Variants in EML6 observed in about 807,000 individuals in gnomAD.
The protein encoded by EML6 is EMAP like 6, also known as echinoderm microtubule-associated protein-like 6.
EML6 carries 154 observed loss-of-function variants against 240.1 expected under a neutral mutation model. The ratio of observed to expected loss-of-function variants is 0.64; its 90% CI spans 0.56 to 0.73. The LOEUF (loss-of-function observed/expected upper bound fraction) is 0.73, where lower values mean the gene tolerates loss of function less well. EML6 is among the 30% of genes least tolerant of loss of function. EML6 has a pLI of 0.00. For synonymous variants in EML6, 1,148 were observed against 899.0 expected, an observed-to-expected ratio of 1.28 and a Z score of -4.95; for missense variants, 2,964 against 2,474.6, an observed-to-expected ratio of 1.20 and a Z score of -4.20.
At chr2:54,800,717 A>G (rs564439854) in intron 2 of EML6, among the ~76,000 whole-genome samples, 29 of 152,202 alleles carry the variant, frequency 1.9e-4, no homozygotes, top group African/African-American at 6.7e-4. Flanking sequence ...ACCATTCTGG[A>G]TAGTAATTTT....
chr2:54,818,839 A>C (rs1360362793), intron 4 of EML6, among the ~76,000 whole-genome samples: 2 of 152,094 alleles, frequency 1.3e-5, no homozygotes, highest in African/African-American at 2.4e-5. Context: ...GTCACACATA[A>C]TTTTGCTCTT....
chr2:54,953,885 TAAAAAA>T, intron 31 of EML6, 92 bp from the exon 32 acceptor site: 2 of 799,346 alleles, frequency 2.5e-6, no homozygotes, highest in Non-Finnish European at 3.6e-6. Flanking sequence ...AGACTCTGTC[TAAAAAA>T]AAAAAAAAAA....
chr2:54,757,322 C>CATAT (rs1558528555), intron 2 of EML6, among the ~76,000 whole-genome samples: 1 of 152,078 alleles, frequency 6.6e-6, no homozygotes, highest in African/African-American at 2.4e-5. Flanking sequence ...ATATGAGGGG[C>CATAT]AGTGTTGATG....
chr2:54,802,081 C>T (rs187345504), intron 2 of EML6, among the ~76,000 whole-genome samples: 4 of 152,152 alleles, frequency 2.6e-5, no homozygotes, highest in Admixed American at 2.6e-4. Context: ...TAAAAGTGTC[C>T]ATTATAGGCT....
rs1432191692 is a variant in EML6 at position 54,968,777 on chromosome 2, G to A, written c.5852+9G>A. On this transcript the variant is annotated intron_variant, in intron 41 of 41. Transcript: ENST00000356458. ...GGAGGAGACGACTGCAGGTACTAAC[G>A]TAGCTGACCCAGTTCTTACTCCACA... The A allele has an allele frequency of 1.2e-5, 17 of 1,458,802 alleles. No homozygotes were observed. The East Asian group carries it at 1.5e-4, about 13-fold the overall frequency. 90.4% of individuals were successfully genotyped at this position (1,458,802 alleles called of 1,614,324 possible).
At chr2:54,900,075 A>C (rs1232123465) in intron 22 of EML6, among the ~76,000 whole-genome samples, 1 of 152,252 alleles carries the variant, frequency 6.6e-6, no homozygotes, top group Non-Finnish European at 1.5e-5. Context: ...GTGGGAGTCA[A>C]TTGAAATTCA....
At chr2:54,753,578 G>T (rs1684267096) in intron 2 of EML6, among the ~76,000 whole-genome samples, 2 of 151,990 alleles carry the variant, frequency 1.3e-5, no homozygotes, top group African/African-American at 4.8e-5. Flanking sequence ...GCCAAGAAAT[G>T]TGGGCAGCCT....
chr2:54,772,523 C>A (rs1668442197), intron 2 of EML6, among the ~76,000 whole-genome samples: 1 of 152,204 alleles, frequency 6.6e-6, no homozygotes, highest in East Asian at 1.9e-4. Flanking sequence ...TTGATAATTT[C>A]ATTCCAAGAT....
chr2:54,844,755 C>T lies in EML6; in HGVS notation c.1049+507C>T, dbSNP rs1479446734. On this transcript the variant is annotated intron_variant, in intron 8 of 41. Transcript: ENST00000356458. ...TCATCAGATGAAAGAATCATGGGGCCTGAGAAAGTAGTTTACTCGGAGCCT... is the reference window on the plus strand; with the variant it reads ...TCATCAGATGAAAGAATCATGGGGCTTGAGAAAGTAGTTTACTCGGAGCCT... Among the ~76,000 whole-genome samples the T allele has an allele frequency of 2.6e-5, 4 of 152,152 alleles. No individual in the cohort carries two copies. The East Asian group carries it at 5.8e-4, about 22-fold the overall frequency.
chr2:54,903,451 A>G lies in EML6; in HGVS notation c.3358A>G (p.Ile1120Val), dbSNP rs1673164955. 1 of 1,552,034 alleles carries G rather than the reference A, an allele frequency of 6.4e-7. No individual in the cohort carries two copies. Among genetic ancestry groups the G allele is most frequent in the Non-Finnish European group, 8.7e-7 (1 of 1,147,008 alleles). The change falls in exon 24 of 42, where the codon ATC becomes GTC. Residue 1120 changes from isoleucine (I) to valine (V), a missense_variant. Ile to Val is a conservative substitution (Grantham distance 29). Transcript: ENST00000356458. ...YNVLTSKRVG[I>V]CKGASSYITH... ...CGTACTTACAAGCAAAAGGGTTGGCATCTGTAAAGGTGCTTCTAGTTATAT... is the reference window on the plus strand; with the variant it reads ...CGTACTTACAAGCAAAAGGGTTGGCGTCTGTAAAGGTGCTTCTAGTTATAT...
chr2:54,741,283 C>A (rs181319546), intron 2 of EML6, among the ~76,000 whole-genome samples: 1 of 152,142 alleles, frequency 6.6e-6, no homozygotes, highest in Non-Finnish European at 1.5e-5. Flanking sequence ...GGTTACTCCC[C>A]TAGCCCATCC....
Position 54,813,335 on chromosome 2 carries a change from C to G in EML6, c.301C>G (p.Leu101Val). The change falls in exon 3 of 42, where the codon CTT becomes GTT. Residue 101 changes from leucine (L) to valine (V), a missense_variant. Physicochemically the swap from Leu to Val is conservative, Grantham distance 32 (BLOSUM62 1). Transcript: ENST00000356458. ...DSYNVQTVSL[L>V]KDVHTHGVAC... The stretch of plus-strand genomic sequence containing the variant: ...CTATAATGTCCAGACTGTGTCTCTT[C>G]TTAAAGATGTCCATACACATGGAGT... 6.4e-7 allele frequency: 1 copy of G among 1,551,678 alleles called. No homozygotes were observed. Among genetic ancestry groups the G allele is most frequent in the Non-Finnish European group, 8.7e-7 (1 of 1,146,862 alleles).
intron 14 of EML6, 190 bp from the exon 15 acceptor site, chr2:54,868,991 G>A (rs544873944): frequency 9.8e-6 from 5 of 510,022 alleles, no homozygotes; most frequent in East Asian, 2.9e-5. Flanking sequence ...GTGCCCATGT[G>A]CCTTTTTGAG....
intron 28 of EML6, among the ~76,000 whole-genome samples, chr2:54,939,312 C>T (rs1324102532): frequency 1.3e-5 from 2 of 152,214 alleles, no homozygotes; most frequent in Non-Finnish European, 2.9e-5. Flanking sequence ...AGTGGAGAAG[C>T]CCTTGCCCCA....
At chr2:54,860,343 G>A (rs1329423986) in intron 12 of EML6, among the ~76,000 whole-genome samples, 1 of 152,162 alleles carries the variant, frequency 6.6e-6, no homozygotes, top group Non-Finnish European at 1.5e-5. Flanking sequence ...AAGTGCTCAA[G>A]CCTTCCAGGG....
intron 10 of EML6, among the ~76,000 whole-genome samples, chr2:54,852,811 T>A (rs370978587): frequency 3.9e-5 from 6 of 152,354 alleles, no homozygotes; most frequent in Non-Finnish European, 8.8e-5. Context: ...TTAGGTAATA[T>A]GCTTAAATGT....
intron 7 of EML6, among the ~76,000 whole-genome samples, chr2:54,831,723 G>GAA (rs1159988195): frequency 1.3e-5 from 2 of 152,156 alleles, no homozygotes; most frequent in African/African-American, 4.8e-5. Flanking sequence ...TTTGTAGGGA[G>GAA]AAACAGATTG....
chr2:54,799,442 T>C (rs568601356), intron 2 of EML6, among the ~76,000 whole-genome samples: 5 of 151,988 alleles, frequency 3.3e-5, no homozygotes, highest in Non-Finnish European at 7.4e-5. Context: ...GACTCCCTGA[T>C]TCAAGCGATT....
At chr2:54,786,363 TA>T (rs1669088747) in intron 2 of EML6, among the ~76,000 whole-genome samples, 1 of 152,120 alleles carries the variant, frequency 6.6e-6, no homozygotes, top group Non-Finnish European at 1.5e-5. Flanking sequence ...GCAAACAATC[TA>T]GGTATTTACA....
Sources: allele counts gnomAD v4.1 joint callset (sites outside exome capture counted in the v4.1 genomes callset), GRCh38; gene constraint gnomAD v4.1.1; transcripts MANE v1.5; gene names NCBI Gene and HGNC (gene_info 2026-07-23, HGNC 2026-07-21).